The following NTNG1 variants were observed in gnomAD, a reference collection of about 807,000 sequenced individuals.
The protein encoded by NTNG1 is netrin G1.
Under a neutral mutation model 54.0 loss-of-function variants are expected in NTNG1, and 16 were observed. The observed-to-expected ratio is 0.30, with a 90% CI of 0.20 to 0.45. The LOEUF (loss-of-function observed/expected upper bound fraction) is 0.45, where lower values mean the gene tolerates loss of function less well. Among genes scored for constraint, NTNG1 ranks in the 20% least tolerant of loss-of-function variants. The probability of loss-of-function intolerance (pLI) is 1.00; values close to 1 mark genes in which losing one functional copy is unlikely to be tolerated. For missense variants in NTNG1, 530 were observed against 678.7 expected (o/e 0.78, Z 2.43); for synonymous variants, 255 against 263.1 (o/e 0.97, Z 0.30).
chr1:107,407,732 A>C (rs778663924), intron 5 of NTNG1, 24 bp downstream of exon 5: 10 of 1,597,036 alleles, frequency 6.3e-6, no homozygotes, highest in Admixed American at 3.3e-5. Context: ...AAAACAAAAA[A>C]AACACCAAAC....
intron 2 of NTNG1, among the ~76,000 whole-genome samples, chr1:107,295,789 T>C (rs1380387868): frequency 6.6e-6 from 1 of 152,082 alleles, no homozygotes; most frequent in Non-Finnish European, 1.5e-5. Context: ...AAGTAAATGA[T>C]GACAGAATCA....
chr1:107,341,645 A>G (rs1331230352), intron 3 of NTNG1, among the ~76,000 whole-genome samples: 1 of 152,124 alleles, frequency 6.6e-6, no homozygotes, highest in African/African-American at 2.4e-5. Context: ...GGCTCATCCT[A>G]CAGTCCTAAC....
chr1:107,407,938 C>G, intron 5 of NTNG1: 1 of 711,864 alleles, frequency 1.4e-6, no homozygotes, highest in South Asian at 1.4e-5. Flanking sequence ...ACTTTTCTGA[C>G]TACTCTTAAC....
chr1:107,313,649 G>A (rs1667160321), intron 2 of NTNG1, among the ~76,000 whole-genome samples: 1 of 152,038 alleles, frequency 6.6e-6, no homozygotes, highest in Non-Finnish European at 1.5e-5. Context: ...AGGAAAACAG[G>A]CAAAACAAAG....
At chr1:107,390,007 C>T (rs1035132745) in intron 3 of NTNG1, among the ~76,000 whole-genome samples, 6 of 152,268 alleles carry the variant, frequency 3.9e-5, no homozygotes, top group Non-Finnish European at 8.8e-5. Flanking sequence ...AGCAATCTCC[C>T]AGCATTGTGA....
chr1:107,437,080 C>A (rs1258392942), intron 7 of NTNG1, among the ~76,000 whole-genome samples: 1 of 152,028 alleles, frequency 6.6e-6, no homozygotes, highest in Non-Finnish European at 1.5e-5. Flanking sequence ...TTAAGTGACA[C>A]AATAGGGACC....
chr1:107,339,081 C>A (rs970418894), intron 3 of NTNG1, among the ~76,000 whole-genome samples: 1 of 152,000 alleles, frequency 6.6e-6, no homozygotes, highest in Non-Finnish European at 1.5e-5. Flanking sequence ...TCCACATTCA[C>A]TTTAGAACCA....
chr1:107,432,037 G>T (rs1316127827), intron 6 of NTNG1, among the ~76,000 whole-genome samples: 1 of 152,146 alleles, frequency 6.6e-6, no homozygotes, highest in Non-Finnish European at 1.5e-5. Flanking sequence ...AATACTGTTG[G>T]TGTCTACAGT....
chr1:107,269,644 G>A (rs1379171331), intron 2 of NTNG1, among the ~76,000 whole-genome samples: 1 of 152,162 alleles, frequency 6.6e-6, no homozygotes. Flanking sequence ...ATGAATGAAT[G>A]TTCCTCTTAA....
chr1:107,474,437 G>A (rs1327264617), intron 7 of NTNG1, among the ~76,000 whole-genome samples: 1 of 152,202 alleles, frequency 6.6e-6, no homozygotes, highest in African/African-American at 2.4e-5. Context: ...TTGTAAATGG[G>A]TGTTTATCCT....
intron 5 of NTNG1, among the ~76,000 whole-genome samples, chr1:107,417,708 G>A (rs936642488): frequency 6.6e-6 from 1 of 152,004 alleles, no homozygotes; most frequent in Non-Finnish European, 1.5e-5. Context: ...CAAGAGATGT[G>A]GTTTTGAGAC....
intron 2 of NTNG1, among the ~76,000 whole-genome samples, chr1:107,309,833 C>T (rs76659708): frequency 0.024 from 3,695 of 152,268 alleles, 54 homozygotes; most frequent in Non-Finnish European, 0.036. Context: ...AAATCAACTT[C>T]TTGTTTTATA....
Position 107,160,375 on chromosome 1 carries a change from A to T in NTNG1, c.246+11536A>T, listed in dbSNP as rs563830296. On this transcript the variant is annotated intron_variant, in intron 2 of 7. Transcript: ENST00000370068. ...ATCGTCAAGATATATTGCAAATCCA[A>T]CCACTTTTTACCTTCTCCACTGCCA... 5.3e-5 allele frequency among the ~76,000 whole-genome samples: 8 copies of T among 152,124 alleles called. No homozygotes were observed. In the East Asian group the frequency reaches 1.2e-3, roughly 22 times the overall value.
chr1:107,364,758 T>A (rs1670492623), intron 3 of NTNG1, among the ~76,000 whole-genome samples: 1 of 152,220 alleles, frequency 6.6e-6, no homozygotes, highest in Non-Finnish European at 1.5e-5. Context: ...TCAATTATTC[T>A]ACCTTTACAG....
At chr1:107,419,384 A>G (rs1674434205) in intron 5 of NTNG1, among the ~76,000 whole-genome samples, 2 of 150,960 alleles carry the variant, frequency 1.3e-5, no homozygotes, top group South Asian at 4.2e-4. Context: ...AGCAGTAATT[A>G]TTTTCTGACT....
intron 2 of NTNG1, among the ~76,000 whole-genome samples, chr1:107,168,104 C>T (rs1436336748): frequency 6.6e-6 from 1 of 152,020 alleles, no homozygotes; most frequent in Non-Finnish European, 1.5e-5. Flanking sequence ...CAAGATTATT[C>T]ATGAAGTCTA....
rs1673519994 is a variant in NTNG1 at position 107,407,687 on chromosome 1, CCCAGTATTT to C, written c.1075_1083del (p.Ser359_Ile361del). ...ATTGTTTTCTTTTTCTCCAGGTATC[CCCAGTATTT>C]CCAGTATTGGTAGTAAGTAAAAACA... On this transcript the variant is annotated inframe_deletion, in exon 5 of 8. Transcript: ENST00000370068. 1 of 1,605,678 alleles carries C rather than the reference CCCAGTATTT, an allele frequency of 6.2e-7. No homozygotes were observed. The highest frequency in any genetic ancestry group is 2.2e-5 in the East Asian group (1 of 44,686).
At chr1:107,368,323 T>C (rs145047846) in intron 3 of NTNG1, among the ~76,000 whole-genome samples, 275 of 152,150 alleles carry the variant, frequency 1.8e-3, no homozygotes, top group African/African-American at 6.1e-3. Context: ...TTTATTTTCT[T>C]TACCTAAAAA....
intron 7 of NTNG1, among the ~76,000 whole-genome samples, chr1:107,442,882 G>C (rs1441771551): frequency 6.6e-6 from 1 of 152,100 alleles, no homozygotes; most frequent in Non-Finnish European, 1.5e-5. Flanking sequence ...GGTTCAGGAA[G>C]ATAGAACAGG....
Sources: gnomAD v4.1 joint callset for allele counts (sites outside exome capture counted in the v4.1 genomes callset) on GRCh38, gnomAD v4.1.1 for gene constraint, MANE v1.5 for transcripts, NCBI Gene and HGNC (gene_info 2026-07-23, HGNC 2026-07-21) for gene names.